The following OPCML variants were observed in gnomAD, a reference collection of about 807,000 sequenced individuals.
OPCML encodes opioid-binding protein/cell adhesion molecule.
OPCML carries 13 observed loss-of-function variants against 37.8 expected under a neutral mutation model. That is an observed-to-expected ratio of 0.34 (90% CI 0.22 to 0.55). OPCML has a LOEUF of 0.55. Among genes scored for constraint, OPCML ranks in the 20% least tolerant of loss-of-function variants. The pLI is 0.91. For missense variants in OPCML, 341 were observed against 435.6 expected, an observed-to-expected ratio of 0.78 and a Z score of 1.93; for synonymous variants, 176 against 168.8, an observed-to-expected ratio of 1.04 and a Z score of -0.33.
intron 3 of OPCML, among the ~76,000 whole-genome samples, chr11:132,625,336 A>T (rs997483434): frequency 6.6e-6 from 1 of 152,104 alleles, no homozygotes; most frequent in African/African-American, 2.4e-5. Context: ...TGTTGTGAAG[A>T]GGTGTATATT....
intron 1 of OPCML, among the ~76,000 whole-genome samples, chr11:133,446,936 A>T (rs1946485891): frequency 6.6e-6 from 1 of 152,204 alleles, no homozygotes. Context: ...CATTCACCAG[A>T]TGATGAACGT....
chr11:132,415,394 T>G lies in OPCML; in HGVS notation c.*4799A>C, dbSNP rs2095935199. The G allele has an allele frequency of 6.6e-6, 1 of 152,242 alleles. No homozygotes were observed. Among genetic ancestry groups the G allele is most frequent in the South Asian group, 2.1e-4 (1 of 4,826 alleles). The allele number at this position is 152,242 out of a possible 1,614,324, so 9.4% of individuals were successfully genotyped here. Reference sequence around the variant, plus strand: ...ACATTTTCGTTCACCCACACAGTCCTCACAACTGCACTTGACATGTCACGA... The same window carrying G: ...ACATTTTCGTTCACCCACACAGTCCGCACAACTGCACTTGACATGTCACGA... On this transcript the variant is annotated 3_prime_UTR_variant, in exon 8 of 8. Coordinates refer to ENST00000524381, the MANE Select transcript of OPCML (RefSeq NM_001012393.5).
At chr11:132,859,019 G>A (rs906036085) in intron 2 of OPCML, among the ~76,000 whole-genome samples, 2 of 152,050 alleles carry the variant, frequency 1.3e-5, no homozygotes, top group Non-Finnish European at 2.9e-5. Context: ...AAATATGCTC[G>A]TTTGTTTTCT....
At chr11:133,430,356 G>A (rs1946092058) in intron 1 of OPCML, among the ~76,000 whole-genome samples, 2 of 152,160 alleles carry the variant, frequency 1.3e-5, no homozygotes, top group African/African-American at 4.8e-5. Flanking sequence ...GGCACTACAG[G>A]CAAGGTTCAA....
intron 1 of OPCML, among the ~76,000 whole-genome samples, chr11:133,106,517 C>T (rs1252555812): frequency 6.6e-6 from 1 of 152,162 alleles, no homozygotes; most frequent in Admixed American, 6.5e-5. Context: ...TAACAAACTC[C>T]CCTAGCAGTG....
chr11:133,527,448 G>A (rs1948512165), intron 1 of OPCML, among the ~76,000 whole-genome samples: 1 of 152,152 alleles, frequency 6.6e-6, no homozygotes, highest in African/African-American at 2.4e-5. Flanking sequence ...TAATCAGAAC[G>A]TATATAAAGT....
intron 2 of OPCML, among the ~76,000 whole-genome samples, chr11:132,833,807 T>C (rs1288113744): frequency 6.6e-6 from 1 of 152,224 alleles, no homozygotes; most frequent in East Asian, 1.9e-4. Context: ...CATCATTGAC[T>C]GAAACATCGT....
intron 4 of OPCML, among the ~76,000 whole-genome samples, chr11:132,488,729 T>G (rs926040020): frequency 6.6e-6 from 1 of 152,234 alleles, no homozygotes; most frequent in African/African-American, 2.4e-5. Flanking sequence ...CAACATAATT[T>G]TTTTAACTTT....
At chr11:133,459,478 A>T (rs907957994) in intron 1 of OPCML, among the ~76,000 whole-genome samples, 5 of 152,154 alleles carry the variant, frequency 3.3e-5, no homozygotes, top group South Asian at 4.1e-4. Flanking sequence ...TATATAAGAG[A>T]CTCACATTAG....
At position 133,273,477 on chromosome 11, in the gene OPCML, G is replaced by A. The variant is rs569860810; in HGVS notation, c.61+258787C>T. ...CAACAAGTTCCCACCATCTCATTAA[G>A]CCTCTCCATGAAAGGTCAAGATTGT... On this transcript the variant is annotated intron_variant, in intron 1 of 7. Transcript: ENST00000524381. 2.0e-5 allele frequency among the ~76,000 whole-genome samples: 3 copies of A among 152,308 alleles called. No individual in the cohort carries two copies. The South Asian group carries it at 6.2e-4, about 32-fold the overall frequency.
At chr11:133,252,888 C>G (rs1435926873) in intron 1 of OPCML, among the ~76,000 whole-genome samples, 1 of 152,122 alleles carries the variant, frequency 6.6e-6, no homozygotes, top group Non-Finnish European at 1.5e-5. Flanking sequence ...TGGCTCATGC[C>G]TGTAATCCCA....
chr11:132,690,538 C>T (rs1393023581), intron 2 of OPCML, among the ~76,000 whole-genome samples: 4 of 152,170 alleles, frequency 2.6e-5, no homozygotes, highest in Admixed American at 6.5e-5. Flanking sequence ...ATTTCTTTCT[C>T]TCTGAGTACC....
intron 1 of OPCML, among the ~76,000 whole-genome samples, chr11:132,976,015 C>G (rs1468747811): frequency 6.6e-6 from 1 of 152,168 alleles, no homozygotes; most frequent in Non-Finnish European, 1.5e-5. Context: ...TGTGATCCGC[C>G]CACCTCGGCC....
intron 2 of OPCML, among the ~76,000 whole-genome samples, chr11:132,896,225 A>T (rs1943835843): frequency 6.6e-6 from 1 of 152,086 alleles, no homozygotes; most frequent in Non-Finnish European, 1.5e-5. Flanking sequence ...GCTACAGTGG[A>T]TTTGTCACTT....
chr11:133,505,798 T>TC (rs959237511), intron 1 of OPCML, among the ~76,000 whole-genome samples: 10 of 152,224 alleles, frequency 6.6e-5, no homozygotes, highest in African/African-American at 2.4e-4. Context: ...CCTCTCTGCC[T>TC]CCATGAAGGC....
At chr11:132,425,545 T>C (rs1233977173) in intron 7 of OPCML, among the ~76,000 whole-genome samples, 1 of 152,214 alleles carries the variant, frequency 6.6e-6, no homozygotes, top group Non-Finnish European at 1.5e-5. Context: ...TGAGTTAAGA[T>C]GGTGTGTGCA....
chr11:133,036,604 G>C (rs1947788396), intron 1 of OPCML, among the ~76,000 whole-genome samples: 1 of 152,158 alleles, frequency 6.6e-6, no homozygotes. Context: ...CAATGACCTG[G>C]TAAAGAATTT....
intron 3 of OPCML, among the ~76,000 whole-genome samples, chr11:132,642,686 G>A (rs1387167538): frequency 1.3e-5 from 2 of 152,112 alleles, no homozygotes; most frequent in African/African-American, 2.4e-5. Context: ...AACTATAGAG[G>A]GTTGCACCTT....
chr11:133,115,424 T>C (rs533255595), intron 1 of OPCML, among the ~76,000 whole-genome samples: 1 of 152,252 alleles, frequency 6.6e-6, no homozygotes, highest in South Asian at 2.1e-4. Flanking sequence ...CCGGAGTAGA[T>C]TCAGTGCCTA....
Sources: allele counts gnomAD v4.1 joint callset (sites outside exome capture counted in the v4.1 genomes callset), GRCh38; gene constraint gnomAD v4.1.1; transcripts MANE v1.5; gene names NCBI Gene and HGNC (gene_info 2026-07-23, HGNC 2026-07-21).